The following TMEM117 variants were observed in gnomAD, a reference collection of about 807,000 sequenced individuals.
TMEM117 encodes the protein transmembrane protein 117.
A neutral mutation model predicts 52.4 loss-of-function variants in TMEM117; 27 were observed. The ratio of observed to expected loss-of-function variants is 0.51; its 90% CI spans 0.38 to 0.71. TMEM117 has a LOEUF of 0.71. Among genes scored for constraint, TMEM117 ranks in the 30% least tolerant of loss-of-function variants. The pLI is 0.00. For missense variants in TMEM117, 556 were observed against 630.5 expected, an observed-to-expected ratio of 0.88 and a Z score of 1.26; for synonymous variants, 215 against 206.3, an observed-to-expected ratio of 1.04 and a Z score of -0.36.
chr12:43,847,412 T>A (rs1036331678), intron 2 of TMEM117, among the ~76,000 whole-genome samples: 3 of 152,188 alleles, frequency 2.0e-5, no homozygotes, highest in Non-Finnish European at 2.9e-5. Flanking sequence ...TTTAACCTGA[T>A]AACCTCTGTT....
intron 6 of TMEM117, among the ~76,000 whole-genome samples, chr12:44,311,727 GTATA>G (rs200776386): frequency 1.1e-4 from 15 of 135,454 alleles, no homozygotes; most frequent in African/African-American, 4.0e-4. Flanking sequence ...ATATATATAT[GTATA>G]TATATATGTA....
intron 4 of TMEM117, among the ~76,000 whole-genome samples, chr12:44,170,433 T>TA (rs952767121): frequency 1.3e-5 from 2 of 148,626 alleles, no homozygotes; most frequent in Admixed American, 6.7e-5. Flanking sequence ...CCCTAGAACT[T>TA]AAAGTAAAAA....
At chr12:44,233,729 G>T (rs748761706) in intron 5 of TMEM117, among the ~76,000 whole-genome samples, 3 of 150,502 alleles carry the variant, frequency 2.0e-5, no homozygotes, top group Admixed American at 6.6e-5. Context: ...TCTTTTCCAC[G>T]TGATATTATA....
At chr12:43,970,413 T>C (rs1482873803) in intron 3 of TMEM117, among the ~76,000 whole-genome samples, 2 of 151,990 alleles carry the variant, frequency 1.3e-5, no homozygotes, top group African/African-American at 2.4e-5. Flanking sequence ...CTCAGCCTCC[T>C]GAGTAGCTGG....
chr12:44,100,822 G>A (rs1228431682), intron 3 of TMEM117, among the ~76,000 whole-genome samples: 1 of 151,872 alleles, frequency 6.6e-6, no homozygotes, highest in East Asian at 1.9e-4. Flanking sequence ...CTAAACACCA[G>A]CTCTGGAGTG....
At chr12:44,179,742 A>G (rs1477742938) in intron 4 of TMEM117, among the ~76,000 whole-genome samples, 1 of 152,148 alleles carries the variant, frequency 6.6e-6, no homozygotes. Context: ...GCATCCCTCA[A>G]TCCAGTCAAG....
intron 5 of TMEM117, among the ~76,000 whole-genome samples, chr12:44,292,966 C>T (rs1213372568): frequency 6.6e-6 from 1 of 151,780 alleles, no homozygotes; most frequent in East Asian, 1.9e-4. Flanking sequence ...TATTCAAGTC[C>T]ATTGTTTCGT....
At chr12:44,170,154 T>C (rs571155480) in intron 4 of TMEM117, among the ~76,000 whole-genome samples, 1 of 152,090 alleles carries the variant, frequency 6.6e-6, no homozygotes, top group African/African-American at 2.4e-5. Flanking sequence ...GGGACATGGA[T>C]GAAGCTGGAA....
chr12:44,335,359 A>T (rs926385662), intron 6 of TMEM117, among the ~76,000 whole-genome samples: 4 of 152,236 alleles, frequency 2.6e-5, no homozygotes, highest in Admixed American at 1.3e-4. Context: ...GTCTCTGAGT[A>T]AAATCATTTT....
chr12:43,812,454 A>AT, the TMEM117 span, among the ~76,000 whole-genome samples: 1 of 152,214 alleles, frequency 6.6e-6, no homozygotes, highest in African/African-American at 2.4e-5. Flanking sequence ...ACTGCAATGC[A>AT]GCACATTTTA....
At chr12:43,906,388 G>A (rs1944387892) in intron 2 of TMEM117, among the ~76,000 whole-genome samples, 1 of 151,712 alleles carries the variant, frequency 6.6e-6, no homozygotes, top group Non-Finnish European at 1.5e-5. Flanking sequence ...ACTTGAACCT[G>A]GATGACAGAG....
At position 44,233,148 on chromosome 12, in the gene TMEM117, C is replaced by A. The variant is rs554197184; in HGVS notation, c.608+21761C>A. Among the ~76,000 whole-genome samples the A allele has an allele frequency of 1.5e-4, 22 of 150,994 alleles. No homozygotes were observed. In the South Asian group the frequency reaches 4.4e-3, roughly 30 times the overall value. ...GCCTTATTGTGGTGGTTAAAACCAC[C>A]CAAACAACACTTGAAATGAGAAGAG... is the stretch of plus-strand genomic sequence containing the variant. On this transcript the variant is annotated intron_variant, in intron 5 of 7. Transcript: ENST00000266534.
intron 3 of TMEM117, among the ~76,000 whole-genome samples, chr12:44,042,761 TACACACACACACACACACACAC>T (rs61350418): frequency 7.6e-6 from 1 of 132,074 alleles, no homozygotes; most frequent in Non-Finnish European, 1.6e-5. Flanking sequence ...CTTAATAAAC[TACACACACACACACACACACAC>T]ACACACACAC....
the TMEM117 span, among the ~76,000 whole-genome samples, chr12:43,806,783 T>G: frequency 4.6e-5 from 7 of 152,212 alleles, no homozygotes; most frequent in African/African-American, 1.7e-4. Context: ...ATAGACTGCC[T>G]CTCATCAAAT....
intron 2 of TMEM117, among the ~76,000 whole-genome samples, chr12:43,876,157 T>C (rs947722770): frequency 6.6e-6 from 1 of 152,218 alleles, no homozygotes; most frequent in Non-Finnish European, 1.5e-5. Flanking sequence ...GACTTTGTCC[T>C]TTCCTTTCCG....
chr12:43,956,500 C>CA (rs57544750), intron 3 of TMEM117, among the ~76,000 whole-genome samples: 3,377 of 83,462 alleles, frequency 0.04, 105 homozygotes, highest in African/African-American at 0.097. Flanking sequence ...AGACACTTCT[C>CA]AAAAAAAAAA....
intron 2 of TMEM117, among the ~76,000 whole-genome samples, chr12:43,901,683 A>C (rs1464462161): frequency 6.6e-6 from 1 of 152,216 alleles, no homozygotes; most frequent in Non-Finnish European, 1.5e-5. Flanking sequence ...GCTAGTGTAC[A>C]CAATAGAGCA....
At chr12:44,243,962 T>C (rs922229551) in intron 5 of TMEM117, among the ~76,000 whole-genome samples, 1 of 152,048 alleles carries the variant, frequency 6.6e-6, no homozygotes, top group African/African-American at 2.4e-5. Flanking sequence ...AGAATTTCTT[T>C]CATTTTTAAG....
At chr12:43,864,955 A>T (rs1943561031) in intron 2 of TMEM117, among the ~76,000 whole-genome samples, 1 of 152,104 alleles carries the variant, frequency 6.6e-6, no homozygotes. Context: ...ACCGGGAGGA[A>T]CGAACAATTC....
Sources: allele counts gnomAD v4.1 joint callset (sites outside exome capture counted in the v4.1 genomes callset), GRCh38; gene constraint gnomAD v4.1.1; transcripts MANE v1.5; gene names NCBI Gene and HGNC (gene_info 2026-07-23, HGNC 2026-07-21).